The following ITGB1 variants were observed in gnomAD, a reference collection of about 807,000 sequenced individuals.
ITGB1 encodes the protein integrin subunit beta 1, also known as integrin beta-1.
ITGB1 carries 24 observed loss-of-function variants against 86.5 expected under a neutral mutation model. The observed-to-expected ratio is 0.28, with a 90% CI of 0.20 to 0.39. The LOEUF is 0.39. ITGB1 is among the 10% of genes least tolerant of loss of function. The pLI, the probability that ITGB1 is intolerant of heterozygous loss-of-function variation, is 1.00. For missense variants in ITGB1, 556 were observed against 946.9 expected (o/e 0.59, Z 5.42); for synonymous variants, 323 against 316.8 (o/e 1.02, Z -0.21).
Position 32,905,296 on chromosome 10 carries a change from A to G in ITGB1, c.2331+3072T>C, listed in dbSNP as rs573063230. 7.9e-5 allele frequency among the ~76,000 whole-genome samples: 12 copies of G among 152,248 alleles called. No homozygotes were observed. The South Asian group carries it at 2.5e-3, about 32-fold the overall frequency. On this transcript the variant is annotated intron_variant, in intron 15 of 15. Coordinates refer to ENST00000302278, the MANE Select transcript of ITGB1 (RefSeq NM_002211.4). ...TAATGTTATCAGCACTTCCTATATC[A>G]CTTGTAACTATTAAACATTCCTGTA... is the stretch of plus-strand genomic sequence containing the variant.
intron 3 of ITGB1, among the ~76,000 whole-genome samples, chr10:32,930,798 G>C (rs535456583): frequency 6.6e-6 from 1 of 152,174 alleles, no homozygotes; most frequent in African/African-American, 2.4e-5. Context: ...TTCTAGTAAT[G>C]ACAGAGATTT....
At chr10:32,953,681 C>T (rs2095047027) in intron 1 of ITGB1, 1 of 152,168 alleles carries the variant, frequency 6.6e-6, no homozygotes, top group South Asian at 2.1e-4. Context: ...GAAACCAACG[C>T]TCTGGAAGTA....
intron 1 of ITGB1, among the ~76,000 whole-genome samples, chr10:32,943,489 T>TG (rs934298905): frequency 2.6e-5 from 2 of 78,320 alleles, no homozygotes; most frequent in African/African-American, 1.0e-4. Context: ...AAGGTGGGGG[T>TG]GGGGGGCAAA....
At chr10:32,951,765 G>A (rs1242255392) in intron 1 of ITGB1, 1 of 152,156 alleles carries the variant, frequency 6.6e-6, no homozygotes, top group Non-Finnish European at 1.5e-5. Context: ...TTCCCTGTGA[G>A]GAGGAAAGAA....
intron 1 of ITGB1, among the ~76,000 whole-genome samples, chr10:32,948,298 A>C (rs1565834268): frequency 6.6e-6 from 1 of 152,216 alleles, no homozygotes; most frequent in Non-Finnish European, 1.5e-5. Context: ...CAAAACCTTA[A>C]ATATTTTATA....
intron 1 of ITGB1, among the ~76,000 whole-genome samples, chr10:32,946,269 G>A (rs1348347942): frequency 6.6e-6 from 1 of 152,118 alleles, no homozygotes. Context: ...GCATGCCTGC[G>A]GAATGTTCCC....
At chr10:32,956,228 C>T (rs1454634050) in intron 1 of ITGB1, among the ~76,000 whole-genome samples, 2 of 152,132 alleles carry the variant, frequency 1.3e-5, no homozygotes, top group African/African-American at 4.8e-5. Context: ...GTCCTAACCC[C>T]TCTGGGCCTT....
intron 6 of ITGB1, among the ~76,000 whole-genome samples, chr10:32,925,364 C>T (rs2094961471): frequency 6.6e-6 from 1 of 152,142 alleles, no homozygotes; most frequent in Non-Finnish European, 1.5e-5. Flanking sequence ...AAAACTAGAG[C>T]TTAAAAAGTT....
intron 1 of ITGB1, chr10:32,955,795 T>A (rs955300463): frequency 1.3e-5 from 2 of 152,216 alleles, no homozygotes; most frequent in African/African-American, 4.8e-5. Context: ...GAAAGCTGCC[T>A]AATTGTTAAA....
chr10:32,944,466 G>A (rs1053139238), intron 1 of ITGB1: 20 of 354,456 alleles, frequency 5.6e-5, no homozygotes, highest in Admixed American at 2.3e-4. Context: ...GTTGTCGCGC[G>A]TCACCAAACA....
chr10:32,929,773 G>A lies in ITGB1; in HGVS notation c.376+49C>T, dbSNP rs202031392. 68 of 1,062,736 alleles carry A rather than the reference G, an allele frequency of 6.4e-5. No homozygotes were observed. The East Asian group carries it at 1.3e-3, about 20-fold the overall frequency. The allele number at this position is 1,062,736 out of a possible 1,614,324, so 65.8% of individuals were successfully genotyped here. A position where few individuals can be genotyped will look rare whatever the true frequency, so the allele number is the denominator to read the frequency against. On this transcript the variant is annotated intron_variant, in intron 4 of 15. Transcript: ENST00000302278. Reference sequence around the variant, plus strand: ...TCAGAGTTTGCATAAAGCTGGTGTCGAATGCCTCAAGTAAACACGCAGGTA... The same window carrying A: ...TCAGAGTTTGCATAAAGCTGGTGTCAAATGCCTCAAGTAAACACGCAGGTA...
rs2094963947 is a variant in ITGB1, at chr10:32,926,194, T to C, written c.548-85A>G. 2.9e-6 allele frequency: 3 copies of C among 1,036,744 alleles called. No individual in the cohort carries two copies. In the African/African-American group the frequency reaches 4.8e-5, roughly 17 times the overall value. 64.2% of individuals were successfully genotyped at this position (1,036,744 alleles called of 1,614,324 possible). A position where few individuals can be genotyped will look rare whatever the true frequency, so the allele number is the denominator to read the frequency against. On this transcript the variant is annotated intron_variant, in intron 5 of 15. Transcript: ENST00000302278. ...ATTTGCATTGTTTAAAAAATTCATC[T>C]ATGTTACCAAATGTAGGTTACTATG...
rs2094973620 is a variant in ITGB1 at position 32,928,752 on chromosome 10, ATTAT to A, written c.377-492_377-489del. Among the ~76,000 whole-genome samples the A allele has an allele frequency of 3.3e-5, 5 of 150,666 alleles. No homozygotes were observed. The South Asian group carries it at 1.0e-3, about 31-fold the overall frequency. On this transcript the variant is annotated intron_variant, in intron 4 of 15. Coordinates refer to ENST00000302278, the MANE Select transcript of ITGB1 (RefSeq NM_002211.4). Reference sequence around the variant, plus strand: ...AATAATTATTTATTTATTATTATTTATTATTTATTATTTTATTTTTATTATCATT... The same window carrying A: ...AATAATTATTTATTTATTATTATTTATTATTATTTTATTTTTATTATCATT...
chr10:32,920,172 T>C (rs1009966763), intron 10 of ITGB1, 73 bp downstream of exon 10: 2 of 1,571,350 alleles, frequency 1.3e-6, no homozygotes, highest in East Asian at 2.2e-5. Context: ...TATTTTAATG[T>C]TTCTCAAACT....
At chr10:32,915,810 G>A (rs1307722610) in intron 11 of ITGB1, among the ~76,000 whole-genome samples, 1 of 152,090 alleles carries the variant, frequency 6.6e-6, no homozygotes, top group Non-Finnish European at 1.5e-5. Flanking sequence ...CCTAACTCAC[G>A]TTATGAGGCC....
At chr10:32,944,353 G>T (rs1327243094) in intron 1 of ITGB1, 2 of 221,272 alleles carry the variant, frequency 9.0e-6, no homozygotes, top group Non-Finnish European at 1.8e-5. Context: ...CACAGGCTGG[G>T]CCAAAGCCCT....
chr10:32,925,399 C>T (rs1228026663), intron 6 of ITGB1, among the ~76,000 whole-genome samples: 2 of 152,150 alleles, frequency 1.3e-5, no homozygotes, highest in Non-Finnish European at 2.9e-5. Flanking sequence ...TACTAAGACA[C>T]AGGAGAAAGA....
intron 11 of ITGB1, among the ~76,000 whole-genome samples, chr10:32,914,135 G>C (rs955215277): frequency 5.9e-5 from 9 of 152,152 alleles, no homozygotes; most frequent in Non-Finnish European, 1.3e-4. Flanking sequence ...GTCACCACCA[G>C]GCCTGCCTTA....
Position 32,928,206 on chromosome 10 carries a change from G to C in ITGB1, c.435C>G (p.Leu145=). The C allele has an allele frequency of 9.9e-7, 1 of 1,013,360 alleles. No homozygotes were observed. The highest frequency in any genetic ancestry group is 1.6e-6 in the Non-Finnish European group (1 of 630,622). 62.8% of individuals were successfully genotyped at this position (1,013,360 alleles called of 1,614,324 possible). Residue 145 remains leucine, a synonymous_variant, in exon 5 of 16, where the codon CTC becomes CTG. Transcript: ENST00000302278. ...AGTAAGACAGGTCCATAAGGTAGTA[G>C]AGGTCAATGGGATAGTCTTCAGCTC... is the stretch of plus-strand genomic sequence containing the variant. ...FKRAEDYPID[L]YYLMDLSYSM... is the part of the protein sequence containing the mutation.
Sources: allele counts gnomAD v4.1 joint callset (sites outside exome capture counted in the v4.1 genomes callset), GRCh38; gene constraint gnomAD v4.1.1; transcripts MANE v1.5; gene names NCBI Gene and HGNC (gene_info 2026-07-23, HGNC 2026-07-21).